The following MGA variants were observed in gnomAD, a reference collection of about 807,000 sequenced individuals.
MGA encodes MAX dimerization protein MGA.
MGA carries 40 observed loss-of-function variants against 261.1 expected under a neutral mutation model. That is an observed-to-expected ratio of 0.15 (90% CI 0.12 to 0.20). The LOEUF is 0.20. Ranked by LOEUF, MGA falls within the 10% of genes least tolerant of loss-of-function variation. The pLI, the probability that MGA is intolerant of heterozygous loss-of-function variation, is 1.00. For synonymous variants in MGA, 1,302 were observed against 1,290.6 expected, an observed-to-expected ratio of 1.01 and a Z score of -0.19; for missense variants, 3,397 against 3,630.5, an observed-to-expected ratio of 0.94 and a Z score of 1.65.
chr15:41,767,529 A>T lies in MGA; in HGVS notation c.*249A>T. 2.0e-6 allele frequency: 1 copy of T among 509,286 alleles called. No individual in the cohort carries two copies. Among genetic ancestry groups the T allele is most frequent in the Non-Finnish European group, 3.5e-6 (1 of 286,534 alleles). The allele number at this position is 509,286 out of a possible 1,614,324, so 31.5% of individuals were successfully genotyped here. A position where few individuals can be genotyped will look rare whatever the true frequency, so the allele number is the denominator to read the frequency against. On this transcript the variant is annotated 3_prime_UTR_variant, in exon 24 of 24. Transcript: ENST00000219905. The stretch of plus-strand genomic sequence containing the variant: ...CCCTCATCCTCTCTAAGAAGATGTG[A>T]TCCATTACTGAACATGAGGTGCCCC...
At chr15:41,723,669 G>A (rs987568334) in intron 9 of MGA, among the ~76,000 whole-genome samples, 4 of 152,102 alleles carry the variant, frequency 2.6e-5, no homozygotes, top group African/African-American at 9.7e-5. Context: ...CTCCCACCTT[G>A]GCATCTGTAT....
chr15:41,738,610 A>G (rs558780299), intron 13 of MGA, among the ~76,000 whole-genome samples: 2 of 152,288 alleles, frequency 1.3e-5, no homozygotes, highest in South Asian at 2.1e-4. Flanking sequence ...CCTAAAATAC[A>G]AGCATGGAAA....
intron 1 of MGA, among the ~76,000 whole-genome samples, chr15:41,626,499 T>G (rs1291412461): frequency 1.3e-5 from 2 of 152,168 alleles, no homozygotes; most frequent in Non-Finnish European, 2.9e-5. Context: ...CTCACCTCAC[T>G]GCAATCTCTG....
At chr15:41,639,781 C>G (rs1372237487) in intron 1 of MGA, among the ~76,000 whole-genome samples, 1 of 152,074 alleles carries the variant, frequency 6.6e-6, no homozygotes, top group Non-Finnish European at 1.5e-5. Flanking sequence ...ATCTCCTGAC[C>G]TCGTGATCTG....
Position 41,727,243 on chromosome 15 carries a change from G to A in MGA, c.3494G>A (p.Gly1165Asp), listed in dbSNP as rs748310290. The stretch of plus-strand genomic sequence containing the variant: ...TACCCATTATGGGTAAAAGTAGAAG[G>A]TGAAGTAGATCCAGAACCAGTTTAT... The change falls in exon 10 of 24, where the codon GGT (glycine) becomes GAT (aspartate). Residue 1165 changes from glycine (G) to aspartate (D), a missense_variant. By Grantham distance (94) the Gly-to-Asp change is moderately conservative. Coordinates refer to ENST00000219905, the MANE Select transcript of MGA (RefSeq NM_001164273.2). 2 of 1,613,916 alleles carry A rather than the reference G, an allele frequency of 1.2e-6. No individual in the cohort carries two copies. Among genetic ancestry groups the A allele is most frequent in the African/African-American group, 1.3e-5 (1 of 75,020 alleles).
In MGA at chr15:41,760,536, G is replaced by C. The variant is rs2151994323; in HGVS notation, c.7398+7G>C. 1 of 1,613,052 alleles carries C rather than the reference G, an allele frequency of 6.2e-7. No individual in the cohort carries two copies. Among genetic ancestry groups the C allele is most frequent in the Non-Finnish European group, 8.5e-7 (1 of 1,179,098 alleles). ...AAGTCTCATTCTTACTCGAGTAAGT[G>C]TTCTGTGTAAATGACAGTAAGAGCT... On this transcript the variant is annotated splice_region_variant and intron_variant, in intron 20 of 23. Coordinates refer to ENST00000219905, the MANE Select transcript of MGA (RefSeq NM_001164273.2).
At chr15:41,755,886 G>A (rs1291903209) in intron 18 of MGA, among the ~76,000 whole-genome samples, 2 of 152,102 alleles carry the variant, frequency 1.3e-5, no homozygotes, top group African/African-American at 4.8e-5. Context: ...GGGCTTGTTG[G>A]CACACGCCTG....
chr15:41,740,320 CTTG>C (rs1395062857), intron 14 of MGA, 117 bp downstream of exon 14: 35 of 1,156,454 alleles, frequency 3.0e-5, no homozygotes, highest in African/African-American at 7.8e-5. Context: ...TATTCTTATT[CTTG>C]TTGTCTGTCT....
At position 41,724,882 on chromosome 15, in the gene MGA, G is replaced by A. The variant is rs149119944; in HGVS notation, c.3431-2298G>A. Among the ~76,000 whole-genome samples, 4 of 152,034 alleles carry A rather than the reference G, an allele frequency of 2.6e-5. No individual in the cohort carries two copies. In the East Asian group the frequency reaches 7.7e-4, roughly 29 times the overall value. ...TTGTGCCCGTATGTTTACCTCAGGA[G>A]CCCCTTAGACAAAGTTGTTCTTTAC... On this transcript the variant is annotated intron_variant, in intron 9 of 23. Transcript: ENST00000219905.
At chr15:41,631,824 G>A (rs768148580) in intron 1 of MGA, among the ~76,000 whole-genome samples, 5 of 152,008 alleles carry the variant, frequency 3.3e-5, no homozygotes, top group African/African-American at 4.8e-5. Context: ...AAATACATAA[G>A]CACAAATAAT....
chr15:41,670,848 C>T (rs995121782), intron 2 of MGA, among the ~76,000 whole-genome samples: 2 of 149,230 alleles, frequency 1.3e-5, no homozygotes, highest in Non-Finnish European at 3.0e-5. Flanking sequence ...TAAGCTTCTT[C>T]TTTGGTTGGG....
At chr15:41,625,817 G>C (rs996070694) in intron 1 of MGA, among the ~76,000 whole-genome samples, 2 of 152,172 alleles carry the variant, frequency 1.3e-5, no homozygotes, top group Non-Finnish European at 2.9e-5. Context: ...GACTTGGAAA[G>C]CATGTGATAA....
Position 41,696,751 on chromosome 15 carries a change from G to C in MGA, c.1741G>C (p.Glu581Gln), listed in dbSNP as rs1244185242. 1 of 1,610,910 alleles carries C rather than the reference G, an allele frequency of 6.2e-7. No individual in the cohort carries two copies. The highest frequency in any genetic ancestry group is 8.5e-7 in the Non-Finnish European group (1 of 1,178,520). The change falls in exon 3 of 24, where the codon GAG becomes CAG. Residue 581 changes from glutamate (E) to glutamine (Q), a missense_variant. Glu to Gln is a conservative substitution (Grantham distance 29, BLOSUM62 2). This residue lies in a region of MGA where 563 missense variants were observed against 563.6 expected (regional missense o/e 1.00). Transcript: ENST00000219905. The stretch of plus-strand genomic sequence containing the variant: ...AGTTGGAGACTCACTTTCAGGAAAA[G>C]AGGACTTGGGCAGAAAGAGAACAAC...
At chr15:41,703,528 T>C (rs1320053613) in intron 5 of MGA, among the ~76,000 whole-genome samples, 1 of 152,116 alleles carries the variant, frequency 6.6e-6, no homozygotes, top group African/African-American at 2.4e-5. Context: ...GCACCAGAGA[T>C]TTATCTATTC....
rs368950682 is a variant in MGA at position 41,653,453 on chromosome 15, G to A, written c.-67-15375G>A. Among the ~76,000 whole-genome samples, 9 of 151,734 alleles carry A rather than the reference G, an allele frequency of 5.9e-5. No homozygotes were observed. The South Asian group carries it at 1.9e-3, about 32-fold the overall frequency. ...GGTGTTCCCTGCCTTCCAGTGGTTA[G>A]ATCACAGCTAACAATTTTAGTAAAG... On this transcript the variant is annotated intron_variant, in intron 1 of 8. Coordinates refer to the MGA transcript ENST00000566718.
At chr15:41,676,926 C>G (rs1311850296) in intron 2 of MGA, among the ~76,000 whole-genome samples, 2 of 152,178 alleles carry the variant, frequency 1.3e-5, no homozygotes, top group Non-Finnish European at 2.9e-5. Flanking sequence ...GGTTTCCCAG[C>G]TGCTTTCCCC....
At chr15:41,719,631 A>G (rs1473250314) in intron 9 of MGA, among the ~76,000 whole-genome samples, 1 of 152,088 alleles carries the variant, frequency 6.6e-6, no homozygotes, top group Non-Finnish European at 1.5e-5. Context: ...AGTCCGAGCT[A>G]CTTGGGGGGC....
Position 41,749,307 on chromosome 15 carries a change from G to C in MGA, c.5700G>C (p.Leu1900Phe), listed in dbSNP as rs1401417134. Reference sequence around the variant, plus strand: ...GTTTTGTGTCTCAGGCTGGTACATTGACCCTGAGGATTTCTCCTCCTGAAC... The same window carrying C: ...GTTTTGTGTCTCAGGCTGGTACATTCACCCTGAGGATTTCTCCTCCTGAAC... The change falls in exon 17 of 24, where the codon TTG becomes TTC. Residue 1900 changes from leucine (L) to phenylalanine (F), a missense_variant. Physicochemically the swap from Leu to Phe is conservative, Grantham distance 22. Transcript: ENST00000219905. 6 of 1,613,824 alleles carry C rather than the reference G, an allele frequency of 3.7e-6. No homozygotes were observed. The highest frequency in any genetic ancestry group is 4.2e-6 in the Non-Finnish European group (5 of 1,179,892).
intron 11 of MGA, among the ~76,000 whole-genome samples, chr15:41,732,746 T>A (rs997159665): frequency 1.3e-5 from 2 of 152,164 alleles, no homozygotes. Context: ...TATTATCTGC[T>A]CAGAACAAAA....
Sources: allele counts gnomAD v4.1 joint callset (sites outside exome capture counted in the v4.1 genomes callset), GRCh38; gene constraint gnomAD v4.1.1; regional missense constraint gnomAD v4.1.1; transcripts MANE v1.5; gene names NCBI Gene and HGNC (gene_info 2026-07-23, HGNC 2026-07-21).